Variants in RBFOX3 observed in about 807,000 individuals in gnomAD.
RBFOX3 encodes RNA binding fox-1 homolog 3, also known as RNA binding protein fox-1 homolog 3.
Under a neutral mutation model 48.7 loss-of-function variants are expected in RBFOX3, and 17 were observed. The observed-to-expected ratio is 0.35, with a 90% CI of 0.24 to 0.52. RBFOX3 has a LOEUF of 0.52. RBFOX3 is among the 20% of genes least tolerant of loss of function. RBFOX3 has a pLI of 0.94. For synonymous variants in RBFOX3, 212 were observed against 209.5 expected (o/e 1.01, Z -0.10); for missense variants, 382 against 497.5 (o/e 0.77, Z 2.21).
At chr17:79,282,207 G>A (rs1600398022) in intron 3 of RBFOX3, among the ~76,000 whole-genome samples, 1 of 152,190 alleles carries the variant, frequency 6.6e-6, no homozygotes, top group Non-Finnish European at 1.5e-5. Context: ...GTGGTGGAAG[G>A]AGACTTTCCC....
chr17:79,128,773 A>G (rs2038013523), intron 4 of RBFOX3, among the ~76,000 whole-genome samples: 1 of 152,196 alleles, frequency 6.6e-6, no homozygotes, highest in Middle Eastern at 3.2e-3. Context: ...CTCTCACTCC[A>G]GGGCAATCTC....
In RBFOX3 at chr17:79,481,687, C is replaced by A. The variant is rs1350690306; in HGVS notation, c.-175+767G>T. On this transcript the variant is annotated intron_variant, in intron 2 of 14. Coordinates refer to ENST00000693108, the MANE Select transcript of RBFOX3 (RefSeq NM_001350451.2). This position sits in a 1 kb window ranked among gnomAD's most constrained non-coding sequence, Gnocchi z 5.4. ...TGGGTGAACCAGCAGGGTGGTGCAT[C>A]CTAACACCATGGGGAATGGGTGTGG... Among the ~76,000 whole-genome samples, 2 of 152,150 alleles carry A rather than the reference C, an allele frequency of 1.3e-5. No homozygotes were observed.
chr17:79,169,005 AAC>A (rs2048592854), intron 4 of RBFOX3, among the ~76,000 whole-genome samples: 1 of 152,120 alleles, frequency 6.6e-6, no homozygotes, highest in South Asian at 2.1e-4. Context: ...CAGCACCCCA[AAC>A]ACGCACACTG....
chr17:79,533,375 A>G (rs1431665272), intron 1 of RBFOX3, among the ~76,000 whole-genome samples: 1 of 152,208 alleles, frequency 6.6e-6, no homozygotes. Context: ...GAATAGTGAC[A>G]TTGTCAGCGA....
rs974299944 is a variant in RBFOX3, at chr17:79,249,436, C to T, written c.-73-13631G>A. Among the ~76,000 whole-genome samples the T allele has an allele frequency of 1.3e-5, 2 of 152,076 alleles. No individual in the cohort carries two copies. The highest frequency in any genetic ancestry group is 2.9e-5 in the Non-Finnish European group (2 of 68,018). ...TGAAGCCTTGCTGGCCCTGGGGAGA[C>T]GGCTCCTCCCAAAGTAGCAGATTCC... On this transcript the variant is annotated intron_variant, in intron 3 of 14. Transcript: ENST00000693108. The surrounding 1 kb of genome is among the most constrained non-coding windows in gnomAD (Gnocchi z 4.1).
At chr17:79,429,289 C>T (rs982964280) in intron 2 of RBFOX3, among the ~76,000 whole-genome samples, 7 of 152,224 alleles carry the variant, frequency 4.6e-5, no homozygotes, top group Non-Finnish European at 1.0e-4. Flanking sequence ...CACAGAGCCT[C>T]GTCCACCCTG....
intron 4 of RBFOX3, among the ~76,000 whole-genome samples, chr17:79,228,326 C>T (rs886811440): frequency 6.6e-6 from 1 of 152,150 alleles, no homozygotes; most frequent in African/African-American, 2.4e-5. Flanking sequence ...TGCACCGTGA[C>T]GCCTCCCGCT....
intron 4 of RBFOX3, among the ~76,000 whole-genome samples, chr17:79,218,438 C>T (rs886404182): frequency 1.3e-5 from 2 of 152,152 alleles, no homozygotes; most frequent in Non-Finnish European, 2.9e-5. Context: ...TCCGTCCCAT[C>T]CCAAAATAGC....
chr17:79,103,326 G>A lies in RBFOX3; in HGVS notation c.415-72C>T. 9.9e-7 allele frequency: 1 copy of A among 1,010,648 alleles called. No homozygotes were observed. The highest frequency in any genetic ancestry group is 1.5e-6 in the Non-Finnish European group (1 of 660,804). 62.6% of individuals were successfully genotyped at this position (1,010,648 alleles called of 1,614,324 possible). On this transcript the variant is annotated intron_variant, in intron 7 of 14. Coordinates refer to ENST00000693108, the MANE Select transcript of RBFOX3 (RefSeq NM_001350451.2). The surrounding 1 kb of genome is among the most constrained non-coding windows in gnomAD (Gnocchi z 6.1). ...GGGCGAGAAAGAGGAGGAAGACGAGGAAGAAGAGGAGTGGGAGGGGGGCAG... is the reference window on the plus strand; with the variant it reads ...GGGCGAGAAAGAGGAGGAAGACGAGAAAGAAGAGGAGTGGGAGGGGGGCAG...
chr17:79,098,273 T>G (rs1159624926), intron 9 of RBFOX3: 1 of 154,874 alleles, frequency 6.5e-6, no homozygotes, highest in African/African-American at 2.4e-5. Context: ...AGTCCTGCTC[T>G]CACTTTCCTC....
intron 9 of RBFOX3, among the ~76,000 whole-genome samples, 195 bp downstream of exon 9, chr17:79,101,389 C>T (rs1002065239): frequency 5.3e-5 from 8 of 152,162 alleles, no homozygotes; most frequent in African/African-American, 1.9e-4. Context: ...GGGTGAGTGG[C>T]CCCCAGCTCT....
At chr17:79,366,470 T>C (rs1301378655) in intron 2 of RBFOX3, among the ~76,000 whole-genome samples, 4 of 152,338 alleles carry the variant, frequency 2.6e-5, no homozygotes, top group African/African-American at 9.6e-5. Flanking sequence ...TTATGGTATA[T>C]TATGCCGGCG....
chr17:79,375,940 A>G (rs1400852739), intron 2 of RBFOX3, among the ~76,000 whole-genome samples: 1 of 152,228 alleles, frequency 6.6e-6, no homozygotes, highest in African/African-American at 2.4e-5. Context: ...CGGGGAGTGC[A>G]GTTGTGCTTC....
chr17:79,507,731 A>G (rs900185098), intron 1 of RBFOX3, among the ~76,000 whole-genome samples: 70 of 152,312 alleles, frequency 4.6e-4, no homozygotes, highest in Admixed American at 4.6e-3. Flanking sequence ...AGACCCTTCT[A>G]GAAGTTTCCA....
At chr17:79,444,185 G>A (rs1358003701) in intron 2 of RBFOX3, among the ~76,000 whole-genome samples, 1 of 152,156 alleles carries the variant, frequency 6.6e-6, no homozygotes, top group African/African-American at 2.4e-5. Flanking sequence ...GGCCAAGGAG[G>A]GGGCTGCAGA....
chr17:79,128,469 T>A (rs2037918364), intron 4 of RBFOX3, among the ~76,000 whole-genome samples: 1 of 152,146 alleles, frequency 6.6e-6, no homozygotes, highest in African/African-American at 2.4e-5. Flanking sequence ...GGAGGGCCCG[T>A]GCAGCCACAG....
Position 79,257,581 on chromosome 17 carries a change from C to CT in RBFOX3, c.-73-21777dup, listed in dbSNP as rs373699763. 4.7e-3 allele frequency among the ~76,000 whole-genome samples: 712 copies of CT among 151,798 alleles called. 8 individuals carry two copies. The highest frequency in any genetic ancestry group is 0.017 in the African/African-American group (684 of 41,424). ...CCTGAGTCCTTCTCACTGTTCTTTG[C>CT]TTTTTTTTTCCCCCTCTGAGACAGA... is the stretch of plus-strand genomic sequence containing the variant. On this transcript the variant is annotated intron_variant, in intron 3 of 14. Transcript: ENST00000693108.
At chr17:79,094,632 C>T in intron 13 of RBFOX3, 103 bp from the exon 14 acceptor site, 1 of 729,898 alleles carries the variant, frequency 1.4e-6, no homozygotes, top group Non-Finnish European at 2.0e-6. Flanking sequence ...ACATGGGCAC[C>T]CTGTACCGAG....
chr17:79,472,726 A>G (rs1164717680), intron 2 of RBFOX3, among the ~76,000 whole-genome samples: 2 of 152,122 alleles, frequency 1.3e-5, no homozygotes, highest in Non-Finnish European at 2.9e-5. Flanking sequence ...ACATCTCATG[A>G]CCACCCTCCA....
Sources: allele counts gnomAD v4.1 joint callset (sites outside exome capture counted in the v4.1 genomes callset), GRCh38; gene constraint gnomAD v4.1.1; non-coding constraint Gnocchi (gnomAD v3.1); transcripts MANE v1.5; gene names NCBI Gene and HGNC (gene_info 2026-07-23, HGNC 2026-07-21).